Variants in RANBP17 observed in about 807,000 individuals in gnomAD.
RANBP17 encodes RAN binding protein 17.
In RANBP17, 158 loss-of-function variants were observed where a neutral mutation model predicts 141.2. That is an observed-to-expected ratio of 1.12 (90% CI 0.98 to 1.28). The LOEUF (loss-of-function observed/expected upper bound fraction) is 1.28. Among genes scored for constraint, RANBP17 ranks in the 50% most tolerant of loss-of-function variants. The probability of loss-of-function intolerance (pLI) is 0.00; values close to 1 mark genes in which losing one functional copy is unlikely to be tolerated. For missense variants in RANBP17, 1,438 were observed against 1,290.7 expected (o/e 1.11, Z -1.75); for synonymous variants, 430 against 450.0 (o/e 0.96, Z 0.56).
At chr5:171,050,968 A>C (rs892168835) in intron 14 of RANBP17, among the ~76,000 whole-genome samples, 1 of 152,146 alleles carries the variant, frequency 6.6e-6, no homozygotes, top group African/African-American at 2.4e-5. Context: ...TTTTGATTTG[A>C]TGGTTCTTTC....
At chr5:171,219,404 T>G (rs930515412) in intron 21 of RANBP17, among the ~76,000 whole-genome samples, 2 of 152,162 alleles carry the variant, frequency 1.3e-5, no homozygotes, top group African/African-American at 4.8e-5. Flanking sequence ...GTTAGTGGTG[T>G]TCTCTGTATT....
Position 170,892,481 on chromosome 5 carries a change from G to A in RANBP17, c.351G>A (p.Leu117=). 1 of 1,613,954 alleles carries A rather than the reference G, an allele frequency of 6.2e-7. No individual in the cohort carries two copies. Reference sequence around the variant, plus strand: ...AAGTCATTGCTAAAATCACTAAGTTGGGGTGGTTTGAGGTTCAGAAAGACC... The same window carrying A: ...AAGTCATTGCTAAAATCACTAAGTTAGGGTGGTTTGAGGTTCAGAAAGACC... ...LIQVIAKITK[L]GWFEVQKDQF... Residue 117 remains leucine (L), a synonymous_variant, in exon 4 of 28, where the codon TTG becomes TTA. Transcript: ENST00000523189.
intron 24 of RANBP17, among the ~76,000 whole-genome samples, chr5:171,248,608 C>T (rs1321645922): frequency 6.6e-6 from 1 of 152,194 alleles, no homozygotes; most frequent in Non-Finnish European, 1.5e-5. Context: ...TTTGAAGACC[C>T]TGTAAAGGCA....
chr5:170,876,855 A>AT lies in RANBP17; in HGVS notation c.19-1235dup, dbSNP rs578146240. On this transcript the variant is annotated intron_variant, in intron 1 of 27. Transcript: ENST00000523189. ...AGGCTAGAAAGGACAAAAAAATTGC[A>AT]TTTTTTTAAAAGGAATATCCCATTG... Among the ~76,000 whole-genome samples the AT allele has an allele frequency of 2.8e-3, 428 of 152,196 alleles. 3 individuals are homozygous for AT. The highest frequency in any genetic ancestry group is 9.6e-3 in the African/African-American group (398 of 41,526).
chr5:171,185,867 A>G (rs560518665), intron 18 of RANBP17, among the ~76,000 whole-genome samples: 1 of 152,260 alleles, frequency 6.6e-6, no homozygotes, highest in Non-Finnish European at 1.5e-5. Context: ...AAGGTTTTCA[A>G]TTTACTTTTC....
At chr5:171,086,118 A>G (rs1785627762) in intron 14 of RANBP17, among the ~76,000 whole-genome samples, 1 of 140,868 alleles carries the variant, frequency 7.1e-6, no homozygotes, top group African/African-American at 2.7e-5. Context: ...GATAGCTCTT[A>G]CTATTTTGAG....
chr5:171,082,609 C>T (rs1785326592), intron 14 of RANBP17, among the ~76,000 whole-genome samples: 1 of 152,058 alleles, frequency 6.6e-6, no homozygotes, highest in East Asian at 1.9e-4. Context: ...TGACTCTGCC[C>T]CTAATTTTCT....
chr5:171,237,074 T>A (rs558462640), intron 22 of RANBP17, among the ~76,000 whole-genome samples: 7 of 152,156 alleles, frequency 4.6e-5, no homozygotes, highest in Non-Finnish European at 7.4e-5. Context: ...AAAATAATTT[T>A]AAAAAAATAC....
At chr5:171,061,292 G>T (rs1374553845) in intron 14 of RANBP17, among the ~76,000 whole-genome samples, 1 of 151,860 alleles carries the variant, frequency 6.6e-6, no homozygotes, top group Non-Finnish European at 1.5e-5. Context: ...TTCTCTTGTG[G>T]GCATTTAGTA....
chr5:171,240,980 G>T lies in RANBP17; in HGVS notation c.2475G>T (p.Met825Ile). 5 of 1,613,930 alleles carry T rather than the reference G, an allele frequency of 3.1e-6. No individual in the cohort carries two copies. Among genetic ancestry groups the T allele is most frequent in the South Asian group, 1.1e-5 (1 of 91,060 alleles). ...GSLSKDQIYPMKLKGISICYS... is the reference protein window; with the variant it reads ...GSLSKDQIYPIKLKGISICYS... ...TCTCAAAAGATCAGATTTATCCAATGAAACTCAAGGGCATCTCCATCTGCT... is the reference window on the plus strand; with the variant it reads ...TCTCAAAAGATCAGATTTATCCAATTAAACTCAAGGGCATCTCCATCTGCT... Residue 825 changes from methionine (M) to isoleucine (I), a missense_variant, in exon 23 of 28, where the codon ATG becomes ATT. By Grantham distance (10) the Met-to-Ile change is conservative. Coordinates refer to ENST00000523189, the MANE Select transcript of RANBP17 (RefSeq NM_022897.5).
intron 24 of RANBP17, among the ~76,000 whole-genome samples, chr5:171,249,562 G>T (rs929145940): frequency 6.6e-6 from 1 of 152,038 alleles, no homozygotes; most frequent in Non-Finnish European, 1.5e-5. Context: ...TTACCAAAGA[G>T]ATTTAAATAA....
At chr5:170,922,809 C>T (rs1772584221) in intron 11 of RANBP17, among the ~76,000 whole-genome samples, 1 of 152,086 alleles carries the variant, frequency 6.6e-6, no homozygotes, top group Admixed American at 6.5e-5. Flanking sequence ...CTTCAGCTTG[C>T]CCTCCGTGGG....
intron 1 of RANBP17, among the ~76,000 whole-genome samples, chr5:170,863,209 G>T (rs147838496): frequency 1.3e-5 from 2 of 152,314 alleles, no homozygotes; most frequent in African/African-American, 4.8e-5. Flanking sequence ...CCAAGGCAAA[G>T]AATTGTGGAA....
chr5:171,208,571 T>C (rs1356022094), intron 20 of RANBP17, among the ~76,000 whole-genome samples: 1 of 152,224 alleles, frequency 6.6e-6, no homozygotes, highest in Non-Finnish European at 1.5e-5. Flanking sequence ...ATGCAGTCTT[T>C]TAACTGTTAA....
intron 14 of RANBP17, among the ~76,000 whole-genome samples, chr5:171,168,662 C>T (rs1433813456): frequency 6.6e-6 from 1 of 152,046 alleles, no homozygotes; most frequent in African/African-American, 2.4e-5. Flanking sequence ...TCCTTAGCTC[C>T]CTCTTTCCCC....
At chr5:171,160,237 G>A (rs1375296384) in intron 14 of RANBP17, among the ~76,000 whole-genome samples, 4 of 151,984 alleles carry the variant, frequency 2.6e-5, no homozygotes, top group African/African-American at 7.3e-5. Flanking sequence ...TTCTTTGCAA[G>A]ACTCAAAGAC....
At chr5:171,250,786 G>T (rs1198608844) in intron 24 of RANBP17, among the ~76,000 whole-genome samples, 1 of 152,168 alleles carries the variant, frequency 6.6e-6, no homozygotes, top group Non-Finnish European at 1.5e-5. Context: ...TCCAGCAAGA[G>T]ACTATAGCAG....
chr5:171,077,079 C>G (rs548892432), intron 14 of RANBP17, among the ~76,000 whole-genome samples: 2 of 152,232 alleles, frequency 1.3e-5, no homozygotes, highest in Admixed American at 6.5e-5. Context: ...TTGACTCACC[C>G]CTGTAATCCC....
chr5:170,997,266 T>C (rs1362328622), intron 14 of RANBP17, among the ~76,000 whole-genome samples: 6 of 152,186 alleles, frequency 3.9e-5, no homozygotes. Flanking sequence ...CCTTTCTAAA[T>C]TACCCAGTCT....
Sources: allele counts gnomAD v4.1 joint callset (sites outside exome capture counted in the v4.1 genomes callset), GRCh38; gene constraint gnomAD v4.1.1; transcripts MANE v1.5; gene names NCBI Gene and HGNC (gene_info 2026-07-23, HGNC 2026-07-21).